Variants in CIMAP3 observed in about 807,000 individuals in gnomAD.
The protein encoded by CIMAP3 is ciliary microtubule-associated protein 3.
the CIMAP3 span, among the ~76,000 whole-genome samples, chr1:111,325,407 C>T: frequency 6.6e-6 from 1 of 152,088 alleles, no homozygotes; most frequent in African/African-American, 2.4e-5. Context: ...ATTCCTCTAC[C>T]ATCAGATGGT....
the CIMAP3 span, chr1:111,348,610 G>C: frequency 6.2e-7 from 1 of 1,611,984 alleles, no homozygotes; most frequent in Non-Finnish European, 8.5e-7. Flanking sequence ...TTGGTGCCTC[G>C]ATTTAAGAAC....
chr1:111,348,461 T>G, the CIMAP3 span: 1 of 1,444,110 alleles, frequency 6.9e-7, no homozygotes, highest in South Asian at 1.5e-5. Flanking sequence ...GAAGGCTTTA[T>G]GTGTATATAT....
the CIMAP3 span, chr1:111,351,239 A>G: frequency 6.2e-7 from 1 of 1,605,750 alleles, no homozygotes; most frequent in Non-Finnish European, 8.5e-7. Context: ...ATTGATCTAG[A>G]AAACGTTCTT....
the CIMAP3 span, among the ~76,000 whole-genome samples, chr1:111,343,447 T>C: frequency 1.3e-5 from 2 of 152,208 alleles, no homozygotes; most frequent in African/African-American, 4.8e-5. Flanking sequence ...ATCCTCTTGA[T>C]ACTATAAAAT....
At chr1:111,343,128 C>T in the CIMAP3 span, among the ~76,000 whole-genome samples, 1 of 152,130 alleles carries the variant, frequency 6.6e-6, no homozygotes. Flanking sequence ...CTTTTTACTT[C>T]TACAATTTTA....
the CIMAP3 span, chr1:111,351,471 G>A: frequency 3.3e-6 from 2 of 612,436 alleles, no homozygotes; most frequent in Admixed American, 3.5e-5. Flanking sequence ...TATAGCTGCT[G>A]TATGAGAACA....
chr1:111,350,590 G>A, the CIMAP3 span, among the ~76,000 whole-genome samples: 7 of 152,002 alleles, frequency 4.6e-5, no homozygotes, highest in Non-Finnish European at 8.8e-5. Context: ...TGCTCTTTCC[G>A]ACATACCCCT....
the CIMAP3 span, among the ~76,000 whole-genome samples, chr1:111,330,870 G>T: frequency 0.014 from 2,071 of 152,336 alleles, 58 homozygotes; most frequent in African/African-American, 0.046. Context: ...GGGGTTCCTT[G>T]TCTGGTGATG....
the CIMAP3 span, among the ~76,000 whole-genome samples, chr1:111,329,516 C>CATAT: frequency 0.018 from 1,899 of 105,414 alleles, 19 homozygotes; most frequent in Admixed American, 0.022. Flanking sequence ...CACATAAACC[C>CATAT]ATATATATAT....
chr1:111,348,525 C>T, the CIMAP3 span: 2 of 1,603,414 alleles, frequency 1.2e-6, no homozygotes, highest in Non-Finnish European at 8.5e-7. Flanking sequence ...GGAAATGACA[C>T]CTCATGCAGG....
At chr1:111,337,658 C>T in the CIMAP3 span, among the ~76,000 whole-genome samples, 4 of 152,150 alleles carry the variant, frequency 2.6e-5, no homozygotes, top group Admixed American at 1.3e-4. Context: ...ATCCTAAATA[C>T]ATATGCACCC....
chr1:111,350,399 A>G, the CIMAP3 span, among the ~76,000 whole-genome samples: 1 of 152,210 alleles, frequency 6.6e-6, no homozygotes, highest in Non-Finnish European at 1.5e-5. Context: ...GAATTACACT[A>G]TTTCATTAGA....
At chr1:111,347,993 A>C in the CIMAP3 span, among the ~76,000 whole-genome samples, 1 of 152,232 alleles carries the variant, frequency 6.6e-6, no homozygotes, top group African/African-American at 2.4e-5. Context: ...AAAACAATTT[A>C]CTGAAGAAAT....
chr1:111,333,781 G>A, the CIMAP3 span, among the ~76,000 whole-genome samples: 7 of 152,268 alleles, frequency 4.6e-5, no homozygotes, highest in East Asian at 1.9e-4. Flanking sequence ...TCAAATCTTA[G>A]CTGTTTATTT....
chr1:111,344,440 C>T, the CIMAP3 span, among the ~76,000 whole-genome samples: 1 of 152,186 alleles, frequency 6.6e-6, no homozygotes, highest in African/African-American at 2.4e-5. Context: ...GCTTCTTAGC[C>T]AGCTTTTTAT....
At chr1:111,352,768 G>GT in the CIMAP3 span, 6 of 151,184 alleles carry the variant, frequency 4.0e-5, no homozygotes, top group Admixed American at 6.6e-5. Flanking sequence ...AGCATTTAAT[G>GT]TTTTTTTTTC....
the CIMAP3 span, chr1:111,347,120 T>A: frequency 6.7e-7 from 1 of 1,491,188 alleles, no homozygotes; most frequent in Non-Finnish European, 8.9e-7. Context: ...TTTCCAAGTT[T>A]CGTAAAAGAA....
the CIMAP3 span, chr1:111,348,339 C>A: frequency 1.8e-6 from 1 of 569,302 alleles, no homozygotes; most frequent in Non-Finnish European, 3.0e-6. Context: ...GTAGCTGAAC[C>A]ACACCCGTAT....
the CIMAP3 span, among the ~76,000 whole-genome samples, chr1:111,327,129 G>A: frequency 6.6e-6 from 1 of 152,088 alleles, no homozygotes; most frequent in African/African-American, 2.4e-5. Context: ...AATTATCTGT[G>A]CTTTTGATGT....
Sources: gnomAD v4.1 joint callset for allele counts (sites outside exome capture counted in the v4.1 genomes callset) on GRCh38, gnomAD v4.1.1 for gene constraint, MANE v1.5 for transcripts, NCBI Gene and HGNC (gene_info 2026-07-23, HGNC 2026-07-21) for gene names.